The following TAX1BP1 variants were observed in gnomAD, a reference collection of about 807,000 sequenced individuals.
TAX1BP1 encodes Tax1 binding protein 1.
In TAX1BP1, 62 loss-of-function variants were observed where a neutral mutation model predicts 97.7. The observed-to-expected ratio is 0.63, with a 90% CI of 0.52 to 0.78. The LOEUF (loss-of-function observed/expected upper bound fraction) is 0.78. TAX1BP1 is among the 30% of genes least tolerant of loss of function. TAX1BP1 has a pLI of 0.00. For synonymous variants in TAX1BP1, 340 were observed against 304.2 expected (o/e 1.12, Z -1.23); for missense variants, 867 against 916.1 (o/e 0.95, Z 0.69).
At chr7:27,804,171 A>AT (rs1790248200) in intron 13 of TAX1BP1, among the ~76,000 whole-genome samples, 1 of 152,132 alleles carries the variant, frequency 6.6e-6, no homozygotes, top group Non-Finnish European at 1.5e-5. Flanking sequence ...GTATAGCAAA[A>AT]TTTGTCAGCA....
chr7:27,755,974 G>A (rs576771633), intron 2 of TAX1BP1, among the ~76,000 whole-genome samples: 48 of 152,208 alleles, frequency 3.2e-4, no homozygotes, highest in African/African-American at 1.1e-3. Flanking sequence ...TTTACACTTG[G>A]TAATGGTGGA....
chr7:27,799,704 TGC>T (rs1790060219), intron 12 of TAX1BP1, among the ~76,000 whole-genome samples: 1 of 152,180 alleles, frequency 6.6e-6, no homozygotes, highest in Admixed American at 6.5e-5. Context: ...TTTAGCAACT[TGC>T]TATTTTCAAT....
intron 8 of TAX1BP1, among the ~76,000 whole-genome samples, chr7:27,789,506 G>A (rs1430547984): frequency 6.6e-6 from 1 of 151,758 alleles, no homozygotes; most frequent in East Asian, 1.9e-4. Flanking sequence ...ATATATGCAT[G>A]TGTACATGTA....
intron 2 of TAX1BP1, among the ~76,000 whole-genome samples, chr7:27,756,250 A>G (rs954458106): frequency 6.6e-6 from 1 of 152,148 alleles, no homozygotes; most frequent in Non-Finnish European, 1.5e-5. Context: ...ATCCCAAAGG[A>G]GCCCATTCTC....
intron 5 of TAX1BP1, among the ~76,000 whole-genome samples, chr7:27,771,561 G>T (rs1788851651): frequency 6.6e-6 from 1 of 151,902 alleles, no homozygotes; most frequent in African/African-American, 2.4e-5. Context: ...CAGATTCTCT[G>T]TGCTCTCCAG....
At chr7:27,825,091 A>AT (rs1791124341) in intron 15 of TAX1BP1, among the ~76,000 whole-genome samples, 1 of 152,108 alleles carries the variant, frequency 6.6e-6, no homozygotes, top group South Asian at 2.1e-4. Context: ...AACCTTGATG[A>AT]TTAAGGTTTA....
At chr7:27,807,449 C>CGT (rs527730285) in intron 13 of TAX1BP1, among the ~76,000 whole-genome samples, 11 of 152,012 alleles carry the variant, frequency 7.2e-5, no homozygotes, top group Non-Finnish European at 1.5e-4. Context: ...TATAGCCTTT[C>CGT]TTAACCTTGA....
chr7:27,818,605 T>G (rs951490493), intron 15 of TAX1BP1, among the ~76,000 whole-genome samples: 2 of 152,094 alleles, frequency 1.3e-5, no homozygotes, highest in Admixed American at 6.6e-5. Context: ...CTGCCATATC[T>G]CCTCTCTTCT....
At chr7:27,819,004 A>G (rs1162651452) in intron 15 of TAX1BP1, among the ~76,000 whole-genome samples, 2 of 152,204 alleles carry the variant, frequency 1.3e-5, no homozygotes, top group African/African-American at 4.8e-5. Context: ...CCTAGGCCAA[A>G]AGAAATACAG....
At chr7:27,797,477 C>G (rs895697363) in intron 12 of TAX1BP1, among the ~76,000 whole-genome samples, 1 of 151,252 alleles carries the variant, frequency 6.6e-6, no homozygotes, top group Non-Finnish European at 1.5e-5. Flanking sequence ...TTTAAATGTG[C>G]TTTGTGTGTT....
At chr7:27,817,371 G>T (rs1351282230) in intron 15 of TAX1BP1, among the ~76,000 whole-genome samples, 1 of 152,144 alleles carries the variant, frequency 6.6e-6, no homozygotes, top group Non-Finnish European at 1.5e-5. Flanking sequence ...ATATTCTTTT[G>T]ATTATAGATG....
rs1425259645 is a variant in TAX1BP1, at chr7:27,740,759, C to A, written c.-8+490C>A. ...GGGGTTTGCCTTTGCGGAGAGAAACCCAGCTGTTTTGGTTTGAGTCGCCGG... is the reference window on the plus strand; with the variant it reads ...GGGGTTTGCCTTTGCGGAGAGAAACACAGCTGTTTTGGTTTGAGTCGCCGG... On this transcript the variant is annotated intron_variant, in intron 1 of 16. Transcript: ENST00000396319. Among the ~76,000 whole-genome samples, 7 of 152,290 alleles carry A rather than the reference C, an allele frequency of 4.6e-5. No homozygotes were observed. The South Asian group carries it at 8.3e-4, about 18-fold the overall frequency.
chr7:27,746,926 T>A (rs1028462749), intron 1 of TAX1BP1, among the ~76,000 whole-genome samples: 11 of 152,208 alleles, frequency 7.2e-5, no homozygotes, highest in African/African-American at 2.7e-4. Context: ...TACAAAACTT[T>A]AAAAATTTGC....
At chr7:27,820,666 A>G (rs1790940989) in intron 15 of TAX1BP1, among the ~76,000 whole-genome samples, 1 of 152,200 alleles carries the variant, frequency 6.6e-6, no homozygotes, top group Non-Finnish European at 1.5e-5. Flanking sequence ...AGTTCGATGA[A>G]AGAATGAAAT....
intron 13 of TAX1BP1, 129 bp from the exon 14 acceptor site, chr7:27,816,220 T>C: frequency 2.8e-6 from 2 of 722,576 alleles, no homozygotes; most frequent in Non-Finnish European, 4.3e-6. Flanking sequence ...TAACTGTGTT[T>C]CCAATTGCAT....
At chr7:27,827,484 G>A (rs151215506) in intron 15 of TAX1BP1, among the ~76,000 whole-genome samples, 159 of 152,224 alleles carry the variant, frequency 1.0e-3, no homozygotes, top group African/African-American at 3.7e-3. Flanking sequence ...TATGGTAAAT[G>A]GTATGTGTAA....
intron 5 of TAX1BP1, among the ~76,000 whole-genome samples, chr7:27,780,103 G>A (rs951975826): frequency 1.3e-5 from 2 of 152,212 alleles, no homozygotes; most frequent in Non-Finnish European, 2.9e-5. Flanking sequence ...AGCAGTCTCT[G>A]CCACAACACA....
chr7:27,782,166 ATTCT>A (rs1159923737), intron 5 of TAX1BP1, among the ~76,000 whole-genome samples: 2 of 152,156 alleles, frequency 1.3e-5, no homozygotes, highest in East Asian at 1.9e-4. Context: ...GTGCAAAAAT[ATTCT>A]TTCTTTGTAT....
At chr7:27,790,023 G>T (rs570502842) in intron 8 of TAX1BP1, among the ~76,000 whole-genome samples, 3 of 151,850 alleles carry the variant, frequency 2.0e-5, no homozygotes, top group Admixed American at 6.6e-5. Context: ...GTAGTTTGAG[G>T]TGATGGTTAT....
Sources: gnomAD v4.1 joint callset for allele counts (sites outside exome capture counted in the v4.1 genomes callset) on GRCh38, gnomAD v4.1.1 for gene constraint, MANE v1.5 for transcripts, NCBI Gene and HGNC (gene_info 2026-07-23, HGNC 2026-07-21) for gene names.